SPAG16: variants seen among roughly 807,000 people sequenced by gnomAD.
SPAG16 encodes the protein sperm-associated antigen 16 protein.
Under a neutral mutation model 80.4 loss-of-function variants are expected in SPAG16, and 86 were observed. The observed-to-expected ratio is 1.07, with a 90% CI of 0.90 to 1.28. The LOEUF is 1.28. Among genes scored for constraint, SPAG16 ranks in the 50% most tolerant of loss-of-function variants. The pLI is 0.00. For synonymous variants in SPAG16, 294 were observed against 265.9 expected (o/e 1.11, Z -1.03); for missense variants, 870 against 765.3 (o/e 1.14, Z -1.61).
chr2:213,453,224 T>C (rs2071806102), intron 9 of SPAG16, among the ~76,000 whole-genome samples: 1 of 152,238 alleles, frequency 6.6e-6, no homozygotes, highest in Non-Finnish European at 1.5e-5. Flanking sequence ...CTGAGAGGTC[T>C]GATACTCTGT....
At chr2:213,823,888 C>T (rs989713439) in intron 10 of SPAG16, among the ~76,000 whole-genome samples, 2 of 152,100 alleles carry the variant, frequency 1.3e-5, no homozygotes, top group Non-Finnish European at 2.9e-5. Context: ...ATGATAGTTT[C>T]TTTTGCTGTG....
At chr2:213,692,775 A>C (rs1456946831) in intron 10 of SPAG16, among the ~76,000 whole-genome samples, 2 of 150,054 alleles carry the variant, frequency 1.3e-5, no homozygotes, top group African/African-American at 2.5e-5. Context: ...ACGCCACTGC[A>C]CTCCACCCTG....
chr2:213,589,820 G>A (rs1247022680), intron 10 of SPAG16, among the ~76,000 whole-genome samples: 1 of 151,830 alleles, frequency 6.6e-6, no homozygotes, highest in Non-Finnish European at 1.5e-5. Context: ...TATTCGGGTG[G>A]CTGAGGCTGG....
intron 9 of SPAG16, among the ~76,000 whole-genome samples, chr2:213,436,101 T>C (rs1250600274): frequency 6.6e-6 from 1 of 152,238 alleles, no homozygotes; most frequent in Non-Finnish European, 1.5e-5. Flanking sequence ...TACATTGGGC[T>C]TGCAGTCAGA....
At chr2:213,845,654 A>G (rs2074585631) in intron 10 of SPAG16, among the ~76,000 whole-genome samples, 1 of 152,212 alleles carries the variant, frequency 6.6e-6, no homozygotes, top group Admixed American at 6.6e-5. Flanking sequence ...GTTACCTTTC[A>G]TCACCTTAAT....
chr2:213,628,172 A>G (rs2062025333), intron 10 of SPAG16, among the ~76,000 whole-genome samples: 1 of 152,218 alleles, frequency 6.6e-6, no homozygotes, highest in Admixed American at 6.5e-5. Flanking sequence ...ATATCCAGTT[A>G]GAGTTCAATT....
At position 214,143,940 on chromosome 2, in the gene SPAG16, A is replaced by G. The variant is rs773774014; in HGVS notation, c.1594-5200A>G. Among the ~76,000 whole-genome samples the G allele has an allele frequency of 2.0e-3, 306 of 152,176 alleles. 3 individuals carry two copies. The highest frequency in any genetic ancestry group is 4.7e-4 in the Non-Finnish European group (32 of 67,984). On this transcript the variant is annotated intron_variant, in intron 14 of 15. Transcript: ENST00000331683. ...CGGCAGGTCAAGGTGGGAGGATCAC[A>G]TGAGGCCACAGGTTTGAGACCAGCC...
intron 15 of SPAG16, among the ~76,000 whole-genome samples, chr2:214,341,417 C>A (rs1474177213): frequency 6.6e-6 from 1 of 152,116 alleles, no homozygotes; most frequent in Non-Finnish European, 1.5e-5. Context: ...ACTGAAAACT[C>A]AGCATATTGA....
At chr2:213,677,655 A>G (rs886694670) in intron 10 of SPAG16, among the ~76,000 whole-genome samples, 1 of 152,180 alleles carries the variant, frequency 6.6e-6, no homozygotes, top group Admixed American at 6.6e-5. Context: ...TTAGACTCCC[A>G]CACATTAATA....
chr2:213,773,189 T>C (rs1434592764), intron 10 of SPAG16, among the ~76,000 whole-genome samples: 2 of 152,184 alleles, frequency 1.3e-5, no homozygotes, highest in African/African-American at 4.8e-5. Context: ...ATGGACATCA[T>C]GTCTTAGTTT....
intron 15 of SPAG16, among the ~76,000 whole-genome samples, chr2:214,228,560 G>A (rs933358576): frequency 6.6e-6 from 1 of 151,796 alleles, no homozygotes; most frequent in Non-Finnish European, 1.5e-5. Flanking sequence ...TAAAATAACA[G>A]TAGACTATAT....
intron 15 of SPAG16, among the ~76,000 whole-genome samples, chr2:214,294,355 A>G (rs559253767): frequency 1.3e-5 from 2 of 152,214 alleles, no homozygotes; most frequent in Admixed American, 1.3e-4. Flanking sequence ...AGGCTGCCTC[A>G]TTTCCCTTTC....
chr2:214,140,730 A>G (rs112684337), intron 14 of SPAG16, among the ~76,000 whole-genome samples: 61 of 151,904 alleles, frequency 4.0e-4, no homozygotes, highest in African/African-American at 1.3e-3. Flanking sequence ...TTTTTCTGAC[A>G]CTGATACTAT....
chr2:214,056,519 A>C (rs2049955185), intron 13 of SPAG16, among the ~76,000 whole-genome samples: 1 of 101,850 alleles, frequency 9.8e-6, no homozygotes, highest in African/African-American at 4.0e-5. Context: ...ATTTAAAAAT[A>C]CTTATTGGTA....
At chr2:213,702,367 T>G (rs76316789) in intron 10 of SPAG16, among the ~76,000 whole-genome samples, 10 of 152,230 alleles carry the variant, frequency 6.6e-5, no homozygotes, top group Non-Finnish European at 1.3e-4. Context: ...CTTTTTGCAA[T>G]AAATCTTGCT....
At chr2:213,403,705 A>G (rs2068455273) in intron 9 of SPAG16, among the ~76,000 whole-genome samples, 1 of 152,202 alleles carries the variant, frequency 6.6e-6, no homozygotes, top group Non-Finnish European at 1.5e-5. Context: ...AGTTCTGGCC[A>G]GGGCAATCAG....
chr2:214,401,459 T>C (rs2126145710), intron 15 of SPAG16, among the ~76,000 whole-genome samples: 1 of 152,034 alleles, frequency 6.6e-6, no homozygotes, highest in South Asian at 2.1e-4. Flanking sequence ...TATTCTTGTA[T>C]ATTTGTGATA....
chr2:214,322,847 A>G (rs1253170649), intron 15 of SPAG16, among the ~76,000 whole-genome samples: 1 of 152,150 alleles, frequency 6.6e-6, no homozygotes, highest in Non-Finnish European at 1.5e-5. Context: ...CCAGTAGCCA[A>G]ACTGCATCCT....
chr2:214,014,443 C>A (rs1009429508), intron 13 of SPAG16, among the ~76,000 whole-genome samples: 1 of 151,996 alleles, frequency 6.6e-6, no homozygotes, highest in Non-Finnish European at 1.5e-5. Flanking sequence ...ATGAGACATG[C>A]GTTAATAAAA....
Sources: allele counts gnomAD v4.1 joint callset (sites outside exome capture counted in the v4.1 genomes callset), GRCh38; gene constraint gnomAD v4.1.1; transcripts MANE v1.5; gene names NCBI Gene and HGNC (gene_info 2026-07-23, HGNC 2026-07-21).